The following UBR3 variants were observed in gnomAD, a reference collection of about 807,000 sequenced individuals.
UBR3 encodes E3 ubiquitin-protein ligase UBR3.
A neutral mutation model predicts 243.2 loss-of-function variants in UBR3; 85 were observed. The ratio of observed to expected loss-of-function variants is 0.35; its 90% CI spans 0.29 to 0.42. The LOEUF is 0.42. Among genes scored for constraint, UBR3 ranks in the 10% least tolerant of loss-of-function variants. The probability of loss-of-function intolerance (pLI) is 1.00; values close to 1 mark genes in which losing one functional copy is unlikely to be tolerated. For synonymous variants in UBR3, 748 were observed against 799.8 expected, an observed-to-expected ratio of 0.94 and a Z score of 1.09; for missense variants, 1,686 against 2,300.8, an observed-to-expected ratio of 0.73 and a Z score of 5.47.
chr2:169,886,382 A>G (rs892474068), intron 5 of UBR3, among the ~76,000 whole-genome samples: 2 of 152,104 alleles, frequency 1.3e-5, no homozygotes, highest in Non-Finnish European at 2.9e-5. Flanking sequence ...AATCGTAGGG[A>G]GCTTACCTAG....
At chr2:170,048,996 T>G (rs1045257657) in intron 32 of UBR3, among the ~76,000 whole-genome samples, 16 of 152,196 alleles carry the variant, frequency 1.1e-4, no homozygotes, top group African/African-American at 3.9e-4. Flanking sequence ...TAAATTAAAC[T>G]TTATCATAGG....
chr2:169,836,067 A>ATATATATATT (rs1558999159), intron 1 of UBR3, among the ~76,000 whole-genome samples: 6 of 32,666 alleles, frequency 1.8e-4, no homozygotes, highest in Non-Finnish European at 2.6e-4. Context: ...ATATATATAT[A>ATATATATATT]TTTTTTTTTT....
intron 1 of UBR3, among the ~76,000 whole-genome samples, chr2:169,845,818 A>T (rs551092218): frequency 2.6e-5 from 4 of 152,098 alleles, no homozygotes; most frequent in Admixed American, 2.6e-4. Context: ...TGCTGGACTC[A>T]AATGATCCAC....
chr2:169,850,506 A>T (rs1304092695), intron 1 of UBR3, among the ~76,000 whole-genome samples: 1 of 151,202 alleles, frequency 6.6e-6, no homozygotes, highest in Non-Finnish European at 1.5e-5. Flanking sequence ...GCACATATTT[A>T]GATGAATTTG....
intron 14 of UBR3, among the ~76,000 whole-genome samples, chr2:169,926,276 A>C (rs1489836586): frequency 6.6e-6 from 1 of 152,194 alleles, no homozygotes. Context: ...AGATGTCAAA[A>C]CATCATAATA....
intron 5 of UBR3, among the ~76,000 whole-genome samples, chr2:169,888,380 C>T (rs1574128948): frequency 6.6e-6 from 1 of 152,082 alleles, no homozygotes; most frequent in East Asian, 1.9e-4. Context: ...CTCAGGTGAT[C>T]CACCCACCTC....
In UBR3 at chr2:170,073,419, G is replaced by C; in HGVS notation, c.5020-9G>C. 3 of 1,613,180 alleles carry C rather than the reference G, an allele frequency of 1.9e-6. No homozygotes were observed. Among genetic ancestry groups the C allele is most frequent in the Non-Finnish European group, 2.5e-6 (3 of 1,179,444 alleles). On this transcript the variant is annotated splice_polypyrimidine_tract_variant and intron_variant, in intron 35 of 38. Transcript: ENST00000272793. The stretch of plus-strand genomic sequence containing the variant: ...ATATTTTCAGAATTTCCTATTTCAT[G>C]TCTAAAAGGAAGAAGAAGAATTTTC...
chr2:169,850,581 A>T (rs2082623216), intron 1 of UBR3, among the ~76,000 whole-genome samples: 1 of 152,218 alleles, frequency 6.6e-6, no homozygotes, highest in Non-Finnish European at 1.5e-5. Flanking sequence ...ACAGTGACTC[A>T]TGCCTGTAAT....
intron 22 of UBR3, chr2:169,947,943 T>C: frequency 1.0e-6 from 1 of 985,248 alleles, no homozygotes; most frequent in South Asian, 4.7e-5. Context: ...GAGAGGTAGA[T>C]GTGTATGATA....
intron 19 of UBR3, among the ~76,000 whole-genome samples, chr2:169,941,371 G>C (rs189432754): frequency 5.9e-5 from 9 of 152,230 alleles, no homozygotes; most frequent in Admixed American, 4.6e-4. Flanking sequence ...GAGATAGTGA[G>C]AGATTAACAG....
At chr2:169,914,019 TTATA>T in intron 10 of UBR3, 37 bp from the exon 11 acceptor site, 1 of 947,808 alleles carries the variant, frequency 1.1e-6, no homozygotes, top group Non-Finnish European at 1.5e-6. Context: ...AAATATATGT[TTATA>T]TATCATAAAT....
At chr2:170,031,849 A>T (rs2090680209) in intron 31 of UBR3, among the ~76,000 whole-genome samples, 1 of 152,180 alleles carries the variant, frequency 6.6e-6, no homozygotes, top group African/African-American at 2.4e-5. Context: ...GACAAAGGAC[A>T]TAATTTCATT....
At chr2:169,833,557 A>G (rs1263650573) in intron 1 of UBR3, among the ~76,000 whole-genome samples, 1 of 152,196 alleles carries the variant, frequency 6.6e-6, no homozygotes, top group African/African-American at 2.4e-5. Context: ...TTAGTTACTC[A>G]TGAGGTGGCA....
chr2:169,903,864 TATATATATAC>T (rs2084919838), intron 8 of UBR3, among the ~76,000 whole-genome samples: 3 of 152,048 alleles, frequency 2.0e-5, no homozygotes, highest in Admixed American at 2.0e-4. Context: ...TTTGAAAAAA[TATATATATAC>T]CTTAAACATT....
chr2:169,944,989 T>C (rs192894827), intron 20 of UBR3, among the ~76,000 whole-genome samples: 220 of 152,298 alleles, frequency 1.4e-3, no homozygotes, highest in African/African-American at 5.0e-3. Flanking sequence ...CTCCTCCTGC[T>C]GCTGCCTCTG....
At chr2:170,047,376 T>G (rs1412745271) in intron 32 of UBR3, among the ~76,000 whole-genome samples, 1 of 152,148 alleles carries the variant, frequency 6.6e-6, no homozygotes, top group African/African-American at 2.4e-5. Flanking sequence ...CCTAAAATGG[T>G]AAGGAAAAAA....
chr2:170,055,677 G>A (rs778375789), intron 33 of UBR3, 93 bp downstream of exon 33: 25 of 1,460,176 alleles, frequency 1.7e-5, no homozygotes, highest in Non-Finnish European at 2.2e-5. Context: ...TACAAAATGA[G>A]TTATTGGTAT....
At chr2:169,837,685 C>G (rs571304868) in intron 1 of UBR3, among the ~76,000 whole-genome samples, 13 of 152,280 alleles carry the variant, frequency 8.5e-5, no homozygotes, top group African/African-American at 3.1e-4. Flanking sequence ...AGAACTCACT[C>G]ACTATCATGA....
chr2:169,874,833 C>T (rs1172510112), intron 2 of UBR3, among the ~76,000 whole-genome samples: 1 of 152,076 alleles, frequency 6.6e-6, no homozygotes, highest in Non-Finnish European at 1.5e-5. Flanking sequence ...TTCTCCATTA[C>T]CTCTTTTATA....
Sources: gnomAD v4.1 joint callset for allele counts (sites outside exome capture counted in the v4.1 genomes callset) on GRCh38, gnomAD v4.1.1 for gene constraint, MANE v1.5 for transcripts, NCBI Gene and HGNC (gene_info 2026-07-23, HGNC 2026-07-21) for gene names.